BBX: variants seen among roughly 807,000 people sequenced by gnomAD.
The protein encoded by BBX is BBX high mobility group box domain containing, also known as HMG box transcription factor BBX.
A neutral mutation model predicts 100.2 loss-of-function variants in BBX; 30 were observed. The observed-to-expected ratio is 0.30, with a 90% CI of 0.22 to 0.41. The LOEUF (loss-of-function observed/expected upper bound fraction) is 0.41. BBX is among the 10% of genes least tolerant of loss of function. BBX has a pLI of 1.00. For synonymous variants in BBX, 376 were observed against 388.1 expected (o/e 0.97, Z 0.37); for missense variants, 1,023 against 1,129.8 (o/e 0.91, Z 1.35).
At chr3:107,672,446 C>A (rs1373693909) in intron 3 of BBX, among the ~76,000 whole-genome samples, 2 of 151,890 alleles carry the variant, frequency 1.3e-5, no homozygotes, top group African/African-American at 4.8e-5. Context: ...ATGAAAAGAA[C>A]CTATGTTGGA....
chr3:107,642,672 G>A (rs532453680), intron 2 of BBX, among the ~76,000 whole-genome samples: 123 of 152,130 alleles, frequency 8.1e-4, no homozygotes, highest in Admixed American at 1.9e-3. Context: ...GAAAGCATGA[G>A]TATTCTGTTC....
At chr3:107,730,221 G>A (rs1198245648) in intron 6 of BBX, among the ~76,000 whole-genome samples, 2 of 152,168 alleles carry the variant, frequency 1.3e-5, no homozygotes, top group African/African-American at 2.4e-5. Context: ...AGAAGAATCA[G>A]ACATAGTTAT....
intron 3 of BBX, among the ~76,000 whole-genome samples, chr3:107,693,199 T>G (rs1161138960): frequency 1.3e-5 from 2 of 151,416 alleles, no homozygotes; most frequent in Non-Finnish European, 2.9e-5. Flanking sequence ...GCTCTTTAGT[T>G]TAATTAGATC....
chr3:107,587,540 A>G (rs2052947989), intron 2 of BBX, among the ~76,000 whole-genome samples: 1 of 152,102 alleles, frequency 6.6e-6, no homozygotes, highest in Admixed American at 6.5e-5. Context: ...TAGTTATTAA[A>G]TTTTGGGTTT....
chr3:107,645,227 T>G (rs1249206634), intron 2 of BBX, among the ~76,000 whole-genome samples: 2 of 152,194 alleles, frequency 1.3e-5, no homozygotes, highest in Non-Finnish European at 2.9e-5. Context: ...AAATAAAATA[T>G]TCCATTTAAT....
intron 2 of BBX, among the ~76,000 whole-genome samples, chr3:107,620,990 A>G (rs13318675): frequency 0.48 from 72,764 of 150,078 alleles, 19,319 homozygotes; most frequent in East Asian, 0.92. Flanking sequence ...TTGCTTCTCT[A>G]CCACCCCCTC....
intron 3 of BBX, among the ~76,000 whole-genome samples, chr3:107,697,602 C>G (rs1197644736): frequency 6.6e-6 from 1 of 151,918 alleles, no homozygotes; most frequent in Non-Finnish European, 1.5e-5. Flanking sequence ...CTCTTCAAAG[C>G]TGTCAGACAG....
chr3:107,621,349 G>T (rs2055753587), intron 2 of BBX, among the ~76,000 whole-genome samples: 1 of 152,116 alleles, frequency 6.6e-6, no homozygotes, highest in Non-Finnish European at 1.5e-5. Flanking sequence ...AAAGTCCCGA[G>T]CTTCTCTGCC....
intron 2 of BBX, among the ~76,000 whole-genome samples, chr3:107,583,287 T>G (rs2052420768): frequency 6.6e-6 from 1 of 151,966 alleles, no homozygotes; most frequent in Non-Finnish European, 1.5e-5. Context: ...TTCAAAAGGA[T>G]TGGAAAGGAA....
At chr3:107,658,909 T>C (rs746168135) in intron 3 of BBX, among the ~76,000 whole-genome samples, 8 of 152,140 alleles carry the variant, frequency 5.3e-5, no homozygotes, top group African/African-American at 9.7e-5. Context: ...AAAGACTATA[T>C]TCTTTGCATA....
intron 10 of BBX, among the ~76,000 whole-genome samples, chr3:107,764,850 A>T (rs1221280510): frequency 6.6e-6 from 1 of 152,138 alleles, no homozygotes; most frequent in African/African-American, 2.4e-5. Context: ...ATGTTCTTTT[A>T]TGTCTTCTGT....
intron 2 of BBX, among the ~76,000 whole-genome samples, chr3:107,553,294 G>A (rs2107438864): frequency 6.6e-6 from 1 of 152,290 alleles, no homozygotes; most frequent in Admixed American, 6.5e-5. Context: ...AAGACTAAGA[G>A]ATAGACATTA....
At chr3:107,646,808 T>A (rs2057544981) in intron 3 of BBX, among the ~76,000 whole-genome samples, 1 of 152,168 alleles carries the variant, frequency 6.6e-6, no homozygotes, top group African/African-American at 2.4e-5. Flanking sequence ...TTAAAGTATA[T>A]TTGGTAGCTT....
chr3:107,781,454 A>G (rs1313888240), intron 13 of BBX, among the ~76,000 whole-genome samples: 1 of 152,098 alleles, frequency 6.6e-6, no homozygotes, highest in South Asian at 2.1e-4. Context: ...CTAACTCACA[A>G]TGCAATTCAG....
rs1221404794 is a variant in BBX, at chr3:107,811,034, A to G, written c.*5577A>G. The G allele has an allele frequency of 6.6e-6, 1 of 152,120 alleles. No homozygotes were observed. The highest frequency in any genetic ancestry group is 2.4e-5 in the African/African-American group (1 of 41,408). The allele number at this position is 152,120 out of a possible 1,614,324, so 9.4% of individuals were successfully genotyped here. On this transcript the variant is annotated 3_prime_UTR_variant, in exon 18 of 18. Transcript: ENST00000325805. ...TTATTGCTTTCTTAGATGTATGTGT[A>G]GTAAAAGTCAATATACACATTTATA...
intron 2 of BBX, among the ~76,000 whole-genome samples, chr3:107,613,163 C>T (rs1216274630): frequency 1.3e-5 from 2 of 151,540 alleles, no homozygotes; most frequent in Admixed American, 1.3e-4. Context: ...CCCCTCTGGC[C>T]CAGGGTAGGT....
chr3:107,607,320 A>G (rs1263899754), intron 2 of BBX, among the ~76,000 whole-genome samples: 1 of 152,034 alleles, frequency 6.6e-6, no homozygotes, highest in Non-Finnish European at 1.5e-5. Flanking sequence ...ACCTCAGGTG[A>G]TCCACCCGCC....
chr3:107,570,433 G>C (rs1472077292), intron 2 of BBX, among the ~76,000 whole-genome samples: 1 of 152,116 alleles, frequency 6.6e-6, no homozygotes, highest in Non-Finnish European at 1.5e-5. Context: ...AGCATCTCAG[G>C]GTTGCTACCA....
At chr3:107,603,646 G>A (rs2054223551) in intron 2 of BBX, among the ~76,000 whole-genome samples, 1 of 152,102 alleles carries the variant, frequency 6.6e-6, no homozygotes, top group Admixed American at 6.6e-5. Context: ...CCAAGGTGCT[G>A]GGATCACAGA....
Sources: allele counts gnomAD v4.1 joint callset (sites outside exome capture counted in the v4.1 genomes callset), GRCh38; gene constraint gnomAD v4.1.1; transcripts MANE v1.5; gene names NCBI Gene and HGNC (gene_info 2026-07-23, HGNC 2026-07-21).